Variants in TENM2 observed in about 807,000 individuals in gnomAD.
TENM2 encodes the protein teneurin transmembrane protein 2, also known as teneurin-2.
In TENM2, 52 loss-of-function variants were observed where a neutral mutation model predicts 245.2. The observed-to-expected ratio is 0.21, with a 90% CI of 0.17 to 0.27. The LOEUF is 0.27. Among genes scored for constraint, TENM2 ranks in the 10% least tolerant of loss-of-function variants. The pLI is 1.00. For missense variants in TENM2, 3,046 were observed against 3,666.8 expected, an observed-to-expected ratio of 0.83 and a Z score of 4.37; for synonymous variants, 1,363 against 1,438.9, an observed-to-expected ratio of 0.95 and a Z score of 1.19.
chr5:167,340,545 C>G (rs924902733), intron 1 of TENM2, among the ~76,000 whole-genome samples: 3 of 152,116 alleles, frequency 2.0e-5, no homozygotes, highest in Admixed American at 6.5e-5. Flanking sequence ...GTAAGGGCAC[C>G]CTTCTATTGG....
chr5:167,706,409 G>A (rs1050586312), intron 2 of TENM2, among the ~76,000 whole-genome samples: 1 of 148,322 alleles, frequency 6.7e-6, no homozygotes, highest in Non-Finnish European at 1.5e-5. Context: ...ATATATATAA[G>A]AAAATGTGAC....
At chr5:167,299,881 G>A (rs376278114) in intron 1 of TENM2, among the ~76,000 whole-genome samples, 2 of 152,210 alleles carry the variant, frequency 1.3e-5, no homozygotes, top group African/African-American at 2.4e-5. Flanking sequence ...AAGGAGCCAG[G>A]GAGCAGAAAG....
intron 5 of TENM2, among the ~76,000 whole-genome samples, chr5:167,999,103 G>A (rs2152034832): frequency 6.6e-6 from 1 of 152,260 alleles, no homozygotes; most frequent in African/African-American, 2.4e-5. Context: ...TTTTGTGGGG[G>A]CGCAGACTAG....
intron 1 of TENM2, among the ~76,000 whole-genome samples, chr5:167,339,946 G>A (rs1757998393): frequency 6.6e-6 from 1 of 152,142 alleles, no homozygotes; most frequent in African/African-American, 2.4e-5. Flanking sequence ...AGAACTATGA[G>A]AAATACATTT....
chr5:167,803,790 G>A (rs944431456), intron 2 of TENM2, among the ~76,000 whole-genome samples: 2 of 151,826 alleles, frequency 1.3e-5, no homozygotes, highest in African/African-American at 4.8e-5. Flanking sequence ...TTTCACTTAT[G>A]GTAAGTGTAC....
At chr5:168,051,038 G>A (rs1789039823) in intron 6 of TENM2, among the ~76,000 whole-genome samples, 1 of 152,150 alleles carries the variant, frequency 6.6e-6, no homozygotes, top group Non-Finnish European at 1.5e-5. Context: ...GATAAGCCTT[G>A]AGAAAGACGA....
At chr5:167,518,429 C>T (rs74382378) in intron 2 of TENM2, among the ~76,000 whole-genome samples, 82 of 152,248 alleles carry the variant, frequency 5.4e-4, no homozygotes, top group South Asian at 1.2e-3. Flanking sequence ...TGAAAGTAGA[C>T]TAATGTCCTA....
Position 167,731,229 on chromosome 5 carries a change from A to T in TENM2, c.503-144757A>T, listed in dbSNP as rs146135345. Among the ~76,000 whole-genome samples, 888 of 151,530 alleles carry T rather than the reference A, an allele frequency of 5.9e-3. 6 individuals carry two copies. The highest frequency in any genetic ancestry group is 0.02 in the African/African-American group (844 of 41,302). On this transcript the variant is annotated intron_variant, in intron 2 of 28. Transcript: ENST00000518659. ...TTTTTTTTTTTTTAGTTCTAAGGAAAATAGTTCAATTTTAGCTGTATCAAT... is the reference window on the plus strand; with the variant it reads ...TTTTTTTTTTTTTAGTTCTAAGGAATATAGTTCAATTTTAGCTGTATCAAT...
the TENM2 span, among the ~76,000 whole-genome samples, chr5:167,106,451 C>A: frequency 6.6e-6 from 1 of 152,148 alleles, no homozygotes; most frequent in African/African-American, 2.4e-5. Context: ...TTATTAATAA[C>A]CTCTATTGCC....
intron 2 of TENM2, among the ~76,000 whole-genome samples, chr5:167,592,807 C>A (rs1321373679): frequency 6.6e-6 from 1 of 152,102 alleles, no homozygotes; most frequent in East Asian, 1.9e-4. Flanking sequence ...ATATTCTTTA[C>A]CCATAAGAAA....
intron 3 of TENM2, among the ~76,000 whole-genome samples, chr5:167,879,123 G>A (rs1228459048): frequency 6.6e-6 from 1 of 152,098 alleles, no homozygotes; most frequent in African/African-American, 2.4e-5. Context: ...TAAACTACAG[G>A]AACGAAAATG....
chr5:167,599,920 C>T (rs1776490540), intron 2 of TENM2, among the ~76,000 whole-genome samples: 1 of 151,688 alleles, frequency 6.6e-6, no homozygotes, highest in African/African-American at 2.4e-5. Context: ...TTAAGGTGGG[C>T]AGATCACTTG....
chr5:168,227,576 G>A (rs971485578), intron 24 of TENM2, among the ~76,000 whole-genome samples: 3 of 144,372 alleles, frequency 2.1e-5, no homozygotes, highest in Admixed American at 1.4e-4. Context: ...TCGGGAATTT[G>A]ATTGACACAA....
intron 2 of TENM2, among the ~76,000 whole-genome samples, chr5:167,759,584 A>T (rs1455666452): frequency 3.3e-5 from 5 of 152,138 alleles, no homozygotes; most frequent in African/African-American, 1.2e-4. Context: ...GAGTCACCAG[A>T]GGGACGTGAG....
intron 3 of TENM2, among the ~76,000 whole-genome samples, chr5:167,911,603 A>G (rs1357507347): frequency 1.3e-5 from 2 of 152,250 alleles, no homozygotes; most frequent in Admixed American, 6.5e-5. Flanking sequence ...CACCTACCCT[A>G]GGTTACACAT....
At chr5:167,930,923 G>A (rs1351312020) in intron 3 of TENM2, among the ~76,000 whole-genome samples, 7 of 152,164 alleles carry the variant, frequency 4.6e-5, no homozygotes, top group African/African-American at 7.2e-5. Context: ...TGTGCACACC[G>A]TATAGTTGCA....
chr5:167,023,766 G>C, the TENM2 span, among the ~76,000 whole-genome samples: 2 of 152,136 alleles, frequency 1.3e-5, no homozygotes, highest in Non-Finnish European at 2.9e-5. Flanking sequence ...CAATATGAAA[G>C]TTTCCAAGTT....
chr5:167,152,331 A>G, the TENM2 span, among the ~76,000 whole-genome samples: 5 of 152,196 alleles, frequency 3.3e-5, no homozygotes, highest in African/African-American at 4.8e-5. Flanking sequence ...ACGTGGTTCA[A>G]ATCTGCTTGT....
intron 20 of TENM2, among the ~76,000 whole-genome samples, chr5:168,213,151 C>G (rs1762914553): frequency 6.6e-6 from 1 of 152,040 alleles, no homozygotes; most frequent in African/African-American, 2.4e-5. Context: ...TATGGATAGT[C>G]TCTAATGACT....
Sources: gnomAD v4.1 joint callset for allele counts (sites outside exome capture counted in the v4.1 genomes callset) on GRCh38, gnomAD v4.1.1 for gene constraint, MANE v1.5 for transcripts, NCBI Gene and HGNC (gene_info 2026-07-23, HGNC 2026-07-21) for gene names.